The following WWC2 variants were observed in gnomAD, a reference collection of about 807,000 sequenced individuals.
WWC2 encodes the protein WW and C2 domain containing 2.
Under a neutral mutation model 138.5 loss-of-function variants are expected in WWC2, and 101 were observed. The ratio of observed to expected loss-of-function variants is 0.73; its 90% CI spans 0.62 to 0.86. WWC2 has a LOEUF of 0.86. Ranked by LOEUF, WWC2 falls within the 40% of genes least tolerant of loss-of-function variation. The pLI is 0.00. For missense variants in WWC2, 1,420 were observed against 1,419.4 expected (o/e 1.00, Z -0.01); for synonymous variants, 558 against 538.4 (o/e 1.04, Z -0.50).
Position 183,265,099 on chromosome 4 carries a change from C to G in WWC2, c.2031C>G (p.Phe677Leu). The G allele has an allele frequency of 1.2e-6, 2 of 1,606,908 alleles. No homozygotes were observed. Among genetic ancestry groups the G allele is most frequent in the Non-Finnish European group, 8.5e-7 (1 of 1,176,524 alleles). ...GAGACAGTGGGGTCTATGAAGCTTT[C>G]GTGAAACAGTAAGGATTCAGCAGGG... ...VAGDSGVYEA[F>L]VKQPSEMEDV... The change falls in exon 12 of 23, where the codon TTC becomes TTG. Residue 677 changes from phenylalanine to leucine, a missense_variant. Transcript: ENST00000403733.
rs536538603 is a variant in WWC2 at position 183,317,192 on chromosome 4, T to G, written c.*1463T>G. 1 of 152,302 alleles carries G rather than the reference T, an allele frequency of 6.6e-6. No homozygotes were observed. Among genetic ancestry groups the G allele is most frequent in the Admixed American group, 6.5e-5 (1 of 15,296 alleles). 9.4% of individuals were successfully genotyped at this position (152,302 alleles called of 1,614,324 possible). A position where few individuals can be genotyped will look rare whatever the true frequency, so the allele number is the denominator to read the frequency against. ...TGAAGAAAAAAAAAAAAAGTTTTGTTCCTCAGTTAGAATGCTCACTAGCTC... is the reference window on the plus strand; with the variant it reads ...TGAAGAAAAAAAAAAAAAGTTTTGTGCCTCAGTTAGAATGCTCACTAGCTC... On this transcript the variant is annotated 3_prime_UTR_variant, in exon 23 of 23. Coordinates refer to ENST00000403733, the MANE Select transcript of WWC2 (RefSeq NM_024949.6).
intron 21 of WWC2, among the ~76,000 whole-genome samples, chr4:183,295,211 T>C (rs1014003552): frequency 2.0e-5 from 3 of 152,342 alleles, no homozygotes; most frequent in African/African-American, 7.2e-5. Flanking sequence ...GTAAACTCCC[T>C]AGGGAAGCAG....
intron 4 of WWC2, among the ~76,000 whole-genome samples, chr4:183,226,213 C>T (rs974437239): frequency 6.6e-6 from 1 of 151,346 alleles, no homozygotes; most frequent in African/African-American, 2.4e-5. Flanking sequence ...CCTCCTGCCT[C>T]AGCCTCCCAA....
chr4:183,263,987 G>A (rs963592729), intron 11 of WWC2, among the ~76,000 whole-genome samples: 1 of 152,144 alleles, frequency 6.6e-6, no homozygotes, highest in African/African-American at 2.4e-5. Flanking sequence ...AAGGCCTTCC[G>A]CAGTCAGTCA....
chr4:183,197,940 A>G (rs1735189972), intron 2 of WWC2, among the ~76,000 whole-genome samples: 1 of 152,108 alleles, frequency 6.6e-6, no homozygotes, highest in South Asian at 2.1e-4. Context: ...CATTGTTCTG[A>G]TTTCTATCAC....
At chr4:183,106,417 A>C (rs557414135) in intron 1 of WWC2, among the ~76,000 whole-genome samples, 4,319 of 152,364 alleles carry the variant, frequency 0.028, 89 homozygotes, top group South Asian at 0.044. Context: ...TTAGATTAAA[A>C]AAATTCCTCA....
rs1046728974 is a variant in WWC2, at chr4:183,209,028, A to T, written c.522+3A>T. On this transcript the variant is annotated splice_donor_region_variant and intron_variant, in intron 4 of 22. Transcript: ENST00000403733. ...AGATCTCCACTACAAGATTAAGGGT[A>T]AGAAGTTTTAAATTGTGGTTCTATG... 1 of 1,557,110 alleles carries T rather than the reference A, an allele frequency of 6.4e-7. No individual in the cohort carries two copies. The highest frequency in any genetic ancestry group is 8.7e-7 in the Non-Finnish European group (1 of 1,146,030).
intron 1 of WWC2, among the ~76,000 whole-genome samples, chr4:183,184,398 C>A (rs970943139): frequency 5.9e-5 from 9 of 152,170 alleles, no homozygotes; most frequent in African/African-American, 2.2e-4. Context: ...AATTTGGGCT[C>A]TTTCCACCTT....
At chr4:183,181,101 T>C (rs1442797318) in intron 1 of WWC2, among the ~76,000 whole-genome samples, 4 of 152,182 alleles carry the variant, frequency 2.6e-5, no homozygotes, top group Non-Finnish European at 5.9e-5. Flanking sequence ...TAACTGCATA[T>C]AATTAACTAT....
At chr4:183,177,320 T>C (rs887519914) in intron 1 of WWC2, among the ~76,000 whole-genome samples, 10 of 152,308 alleles carry the variant, frequency 6.6e-5, no homozygotes, top group Middle Eastern at 6.8e-3. Flanking sequence ...ATCTCAAGGC[T>C]AAGGATCATG....
intron 1 of WWC2, among the ~76,000 whole-genome samples, chr4:183,101,314 C>T (rs552883827): frequency 2.0e-5 from 3 of 152,214 alleles, no homozygotes; most frequent in African/African-American, 4.8e-5. Context: ...TATGACTTGG[C>T]TATCCATATC....
intron 20 of WWC2, among the ~76,000 whole-genome samples, chr4:183,288,809 T>C (rs1462549672): frequency 6.6e-6 from 1 of 152,222 alleles, no homozygotes; most frequent in African/African-American, 2.4e-5. Context: ...GTTTAAGCAT[T>C]CTGATTGGAG....
chr4:183,251,883 C>CCCTT (rs1456208755), intron 8 of WWC2, among the ~76,000 whole-genome samples: 1 of 152,184 alleles, frequency 6.6e-6, no homozygotes, highest in Non-Finnish European at 1.5e-5. Flanking sequence ...TCTCCTCCAG[C>CCCTT]CCTTATTTTA....
At chr4:183,134,122 A>G (rs765702921) in intron 1 of WWC2, among the ~76,000 whole-genome samples, 97 of 152,120 alleles carry the variant, frequency 6.4e-4, no homozygotes, top group Non-Finnish European at 7.1e-4. Flanking sequence ...TGATTAATCT[A>G]TATAACATCT....
intron 15 of WWC2, chr4:183,269,822 ACAG>A (rs1192236205): frequency 5.2e-6 from 1 of 192,778 alleles, no homozygotes; most frequent in African/African-American, 2.3e-5. Context: ...TTTAAATGCT[ACAG>A]CAGAAGACTT....
rs150193484 is a variant in WWC2 at position 183,269,007 on chromosome 4, T to C, written c.2244T>C (p.Asp748=). Residue 748 remains aspartate (D), a synonymous_variant, in exon 15 of 23, where the codon GAT becomes GAC. Coordinates refer to ENST00000403733, the MANE Select transcript of WWC2 (RefSeq NM_024949.6). ...FRVAVLPSST[D]VSCLFRTKVH... The stretch of plus-strand genomic sequence containing the variant: ...TTGCCGTTCTTCCTTCCTCAACTGA[T>C]GTCAGCTGTCTGTTTCGCACAAAAG... 8.3e-4 allele frequency: 1,340 copies of C among 1,613,712 alleles called. 1 individual carries two copies. The highest frequency in any genetic ancestry group is 6.7e-4 in the Non-Finnish European group (795 of 1,179,872).
chr4:183,104,363 A>G (rs1486451219), intron 1 of WWC2, among the ~76,000 whole-genome samples: 1 of 152,240 alleles, frequency 6.6e-6, no homozygotes, highest in Non-Finnish European at 1.5e-5. Context: ...TCTTATTTCC[A>G]GATTCTTACT....
chr4:183,243,233 A>C (rs901051692), intron 5 of WWC2, among the ~76,000 whole-genome samples: 1 of 151,958 alleles, frequency 6.6e-6, no homozygotes, highest in South Asian at 2.1e-4. Context: ...GATTTGTTTT[A>C]TCATTAAATT....
In WWC2 at chr4:183,305,338, T is replaced by C. The variant is rs368378219; in HGVS notation, c.3385-7003T>C. Among the ~76,000 whole-genome samples, 16 of 152,142 alleles carry C rather than the reference T, an allele frequency of 1.1e-4. No homozygotes were observed. In the East Asian group the frequency reaches 1.7e-3, roughly 17 times the overall value. On this transcript the variant is annotated intron_variant, in intron 21 of 22. Transcript: ENST00000403733. Reference sequence around the variant, plus strand: ...GAAAGACAAGGGAACAGAAGAAATATTTGAAGGAATAATGACTGAGACTTT... The same window carrying C: ...GAAAGACAAGGGAACAGAAGAAATACTTGAAGGAATAATGACTGAGACTTT...
Sources: allele counts gnomAD v4.1 joint callset (sites outside exome capture counted in the v4.1 genomes callset), GRCh38; gene constraint gnomAD v4.1.1; transcripts MANE v1.5; gene names NCBI Gene and HGNC (gene_info 2026-07-23, HGNC 2026-07-21).